DGKD: variants seen among roughly 807,000 people sequenced by gnomAD.
The protein encoded by DGKD is diacylglycerol kinase delta.
In DGKD, 68 loss-of-function variants were observed where a neutral mutation model predicts 154.4. That is an observed-to-expected ratio of 0.44 (90% CI 0.36 to 0.54). DGKD has a LOEUF of 0.54. Ranked by LOEUF, DGKD falls within the 20% of genes least tolerant of loss-of-function variation. The pLI, the probability that DGKD is intolerant of heterozygous loss-of-function variation, is 0.00. For synonymous variants in DGKD, 693 were observed against 638.0 expected (o/e 1.09, Z -1.30); for missense variants, 1,343 against 1,593.6 (o/e 0.84, Z 2.68).
In DGKD at chr2:233,451,996, G is replaced by T. The variant is rs145038453; in HGVS notation, c.2200G>T (p.Gly734Cys). Residue 734 changes from glycine to cysteine, a missense_variant, in exon 18 of 30, where the codon GGT (glycine) becomes TGT (cysteine). By Grantham distance (159) the Gly-to-Cys change is radical. Around this residue, in one of 6 missense-constraint regions of DGKD, gnomAD observed 409 missense variants for 446.0 expected, o/e 0.92. Transcript: ENST00000264057. ...VRAGMSGSLP[G>C]GSVISRLLIN... is the part of the protein sequence containing the mutation. ...GGCTGGAATGTCTGGTTCCTTACCC[G>T]GTGGCTCAGTCATCAGTCGCCTGTT... 3.7e-6 allele frequency: 6 copies of T among 1,613,980 alleles called. No individual in the cohort carries two copies. The highest frequency in any genetic ancestry group is 3.3e-5 in the Admixed American group (2 of 60,004).
At chr2:233,361,568 A>G (rs576791768) in intron 1 of DGKD, among the ~76,000 whole-genome samples, 3 of 152,312 alleles carry the variant, frequency 2.0e-5, no homozygotes, top group African/African-American at 7.2e-5. Context: ...ACTTTATAAC[A>G]ACTGTGCTCG....
chr2:233,388,511 G>A (rs1300208882), intron 2 of DGKD, 144 bp downstream of exon 2: 5 of 654,270 alleles, frequency 7.6e-6, no homozygotes, highest in African/African-American at 3.7e-5. Flanking sequence ...ACTCCACGCT[G>A]TCAGGTTTTA....
chr2:233,432,036 G>A (rs2062531614), intron 3 of DGKD, among the ~76,000 whole-genome samples: 1 of 152,246 alleles, frequency 6.6e-6, no homozygotes, highest in Non-Finnish European at 1.5e-5. Flanking sequence ...AAGTTAAAAA[G>A]TTCCTGCACA....
intron 3 of DGKD, among the ~76,000 whole-genome samples, chr2:233,409,659 A>G (rs764127219): frequency 9.2e-5 from 14 of 152,156 alleles, no homozygotes; most frequent in Non-Finnish European, 1.5e-4. Context: ...CTTGTTATCA[A>G]ATTAAGATAA....
chr2:233,362,810 A>G (rs1296041099), intron 1 of DGKD, among the ~76,000 whole-genome samples: 1 of 152,226 alleles, frequency 6.6e-6, no homozygotes, highest in Non-Finnish European at 1.5e-5. Context: ...CCGGATGATG[A>G]TCCACATGGA....
chr2:233,375,388 G>A (rs539822219), intron 1 of DGKD, among the ~76,000 whole-genome samples: 114 of 152,210 alleles, frequency 7.5e-4, no homozygotes, highest in African/African-American at 2.7e-3. Context: ...GGCTCTTGGT[G>A]GTCTTAAGTA....
At chr2:233,412,885 A>G (rs975893891) in intron 3 of DGKD, among the ~76,000 whole-genome samples, 1 of 152,222 alleles carries the variant, frequency 6.6e-6, no homozygotes, top group Non-Finnish European at 1.5e-5. Context: ...AGGGCAAATT[A>G]AATTGGTTGA....
At chr2:233,355,214 G>A (rs1353167902) in intron 1 of DGKD, among the ~76,000 whole-genome samples, 1 of 152,192 alleles carries the variant, frequency 6.6e-6, no homozygotes, top group Non-Finnish European at 1.5e-5. Context: ...TCCCAAAAGG[G>A]AAGGAAGGGA....
At chr2:233,389,438 A>G (rs567368670) in intron 2 of DGKD, among the ~76,000 whole-genome samples, 1 of 152,238 alleles carries the variant, frequency 6.6e-6, no homozygotes, top group African/African-American at 2.4e-5. Flanking sequence ...TGTCAGTACT[A>G]ATATTTTGGT....
At chr2:233,360,994 T>G (rs1224046632) in intron 1 of DGKD, among the ~76,000 whole-genome samples, 1 of 70,804 alleles carries the variant, frequency 1.4e-5, no homozygotes, top group Non-Finnish European at 4.0e-5. Flanking sequence ...GTTTTTTTTT[T>G]TTTTTTTTTT....
chr2:233,422,363 C>G (rs1471375665), intron 3 of DGKD, among the ~76,000 whole-genome samples: 2 of 152,192 alleles, frequency 1.3e-5, no homozygotes, highest in Non-Finnish European at 2.9e-5. Context: ...CTCAAGTACC[C>G]AGGCCACGTG....
chr2:233,393,997 G>A (rs1405479672), intron 3 of DGKD, among the ~76,000 whole-genome samples: 1 of 152,094 alleles, frequency 6.6e-6, no homozygotes, highest in African/African-American at 2.4e-5. Flanking sequence ...TTTATCTGTT[G>A]TAACTTACGA....
intron 3 of DGKD, among the ~76,000 whole-genome samples, chr2:233,417,861 G>C (rs1425908164): frequency 5.3e-5 from 8 of 152,174 alleles, no homozygotes; most frequent in Admixed American, 5.2e-4. Context: ...GGTACGTGCT[G>C]CTGACACCTA....
At chr2:233,447,517 T>C in intron 12 of DGKD, 1 of 985,132 alleles carries the variant, frequency 1.0e-6, no homozygotes, top group Non-Finnish European at 1.2e-6. Context: ...TTCCTTTTTT[T>C]AAAAAAAAAT....
intron 3 of DGKD, among the ~76,000 whole-genome samples, chr2:233,395,802 C>T (rs1169929033): frequency 6.6e-6 from 1 of 150,610 alleles, no homozygotes; most frequent in East Asian, 2.0e-4. Flanking sequence ...CCAAAATGTT[C>T]AGATTACAGG....
chr2:233,373,574 A>C (rs1376525110), intron 1 of DGKD, among the ~76,000 whole-genome samples: 1 of 152,228 alleles, frequency 6.6e-6, no homozygotes, highest in East Asian at 1.9e-4. Context: ...ATACTGTTGG[A>C]TCAAAACAGA....
At chr2:233,466,294 G>A (rs1249076842) in intron 27 of DGKD, among the ~76,000 whole-genome samples, 1 of 151,494 alleles carries the variant, frequency 6.6e-6, no homozygotes, top group Non-Finnish European at 1.5e-5. Context: ...TACCATAATT[G>A]TAGATGTCTC....
At position 233,378,178 on chromosome 2, in the gene DGKD, C is replaced by T. The variant is rs186940310; in HGVS notation, c.157-10079C>T. ...CCTGTAATCCTAGCACTTTGGGAGG[C>T]CAAGGCGGGTGGATTGCCTGAGCTC... On this transcript the variant is annotated intron_variant, in intron 1 of 29. Transcript: ENST00000264057. Among the ~76,000 whole-genome samples, 1,420 of 151,730 alleles carry T rather than the reference C, an allele frequency of 9.4e-3. 12 individuals carry two copies. The highest frequency in any genetic ancestry group is 0.027 in the East Asian group (141 of 5,158).
intron 1 of DGKD, among the ~76,000 whole-genome samples, chr2:233,355,244 T>G (rs1158769840): frequency 6.6e-6 from 1 of 152,060 alleles, no homozygotes; most frequent in Non-Finnish European, 1.5e-5. Context: ...AGTGACCGTC[T>G]CTCTCAGCAA....
Sources: allele counts gnomAD v4.1 joint callset (sites outside exome capture counted in the v4.1 genomes callset), GRCh38; gene constraint gnomAD v4.1.1; regional missense constraint gnomAD v4.1.1; transcripts MANE v1.5; gene names NCBI Gene and HGNC (gene_info 2026-07-23, HGNC 2026-07-21).